Variants in ADPRHL1 observed in about 807,000 individuals in gnomAD.
The protein encoded by ADPRHL1 is ADP-ribosylhydrolase like 1, also known as inactive ADP-ribosyltransferase ARH2.
In ADPRHL1, 43 loss-of-function variants were observed where a neutral mutation model predicts 44.1. That is an observed-to-expected ratio of 0.98 (90% confidence interval 0.76 to 1.26). ADPRHL1 has a LOEUF of 1.26. Among genes scored for constraint, ADPRHL1 ranks in the 50% most tolerant of loss-of-function variants. The pLI, the probability that ADPRHL1 is intolerant of heterozygous loss-of-function variation, is 0.00. For synonymous variants in ADPRHL1, 878 were observed against 1,017.4 expected (o/e 0.86, Z 2.61); for missense variants, 2,022 against 2,496.9 (o/e 0.81, Z 4.05).
chr13:113,426,413 A>C (rs936953544), intron 4 of ADPRHL1, among the ~76,000 whole-genome samples: 1 of 152,224 alleles, frequency 6.6e-6, no homozygotes, highest in Non-Finnish European at 1.5e-5. Context: ...TGCCGATCAC[A>C]TGAGGTGACA....
intron 1 of ADPRHL1, among the ~76,000 whole-genome samples, chr13:113,447,315 C>T (rs1271270181): frequency 7.5e-5 from 9 of 120,726 alleles, no homozygotes; most frequent in East Asian, 5.5e-4. Flanking sequence ...GGCGTCTACA[C>T]GCACGGTGTT....
rs112961194 is a variant in ADPRHL1 at position 113,435,382 on chromosome 13, C to T, written c.380-1515G>A. Among the ~76,000 whole-genome samples the T allele has an allele frequency of 6.9e-3, 956 of 138,748 alleles. 57 individuals are homozygous for T. The highest frequency in any genetic ancestry group is 0.025 in the African/African-American group (878 of 34,656). The allele number at this position is 138,748 out of a possible 152,430, so 91.0% of individuals were successfully genotyped here. On this transcript the variant is annotated intron_variant, in intron 2 of 7. Transcript: ENST00000612156. Reference sequence around the variant, plus strand: ...CAGGCGTAGAGTGAACATAGGTGTACCCCAGGACCTGGCACCCAGGTGTAG... The same window carrying T: ...CAGGCGTAGAGTGAACATAGGTGTATCCCAGGACCTGGCACCCAGGTGTAG...
chr13:113,448,806 C>T (rs2044159701), intron 1 of ADPRHL1, among the ~76,000 whole-genome samples: 1 of 152,266 alleles, frequency 6.6e-6, no homozygotes, highest in South Asian at 2.1e-4. Flanking sequence ...TAAGTGCTTC[C>T]TCACACTTTG....
At chr13:113,418,034 C>T (rs576586703) in intron 7 of ADPRHL1, among the ~76,000 whole-genome samples, 23 of 152,310 alleles carry the variant, frequency 1.5e-4, no homozygotes, top group African/African-American at 4.6e-4. Context: ...GTTATGCAAT[C>T]GCCAGGGTTT....
At chr13:113,436,306 C>T (rs144991592) in intron 2 of ADPRHL1, among the ~76,000 whole-genome samples, 186 of 146,340 alleles carry the variant, frequency 1.3e-3, no homozygotes, top group African/African-American at 4.4e-3. Context: ...CGTAGGTGTA[C>T]CCTGTGACCC....
chr13:113,430,737 A>C (rs2044000971), intron 3 of ADPRHL1, among the ~76,000 whole-genome samples: 1 of 148,118 alleles, frequency 6.8e-6, no homozygotes, highest in Non-Finnish European at 1.5e-5. Context: ...TGGCAGTGGC[A>C]CCAGTGGCGG....
At chr13:113,411,691 A>C (rs1158367659) in intron 7 of ADPRHL1, among the ~76,000 whole-genome samples, 1 of 152,190 alleles carries the variant, frequency 6.6e-6, no homozygotes, top group Non-Finnish European at 1.5e-5. Flanking sequence ...CAGAGCTACA[A>C]AGTCCTCTTT....
chr13:113,403,931 G>C lies in ADPRHL1; in HGVS notation c.5351C>G (p.Thr1784Ser). 1 of 1,292,780 alleles carries C rather than the reference G, an allele frequency of 7.7e-7. No individual in the cohort carries two copies. Among genetic ancestry groups the C allele is most frequent in the Non-Finnish European group, 9.7e-7 (1 of 1,028,998 alleles). The allele number at this position is 1,292,780 out of a possible 1,614,324, so 80.1% of individuals were successfully genotyped here. A position where few individuals can be genotyped will look rare whatever the true frequency, so the allele number is the denominator to read the frequency against. The change falls in exon 8 of 8, where the codon ACC (threonine) becomes AGC (serine). Residue 1784 changes from threonine (T) to serine (S), a missense_variant. Physicochemically the swap from Thr to Ser is moderately conservative, Grantham distance 58. This residue lies in a region of ADPRHL1 where 205 missense variants were observed against 250.1 expected (regional missense o/e 0.82). Coordinates refer to ENST00000612156, the MANE Select transcript of ADPRHL1 (RefSeq NM_001394807.1). ...DRARDQGWEQTQIETQRQTQK... is the reference protein window; with the variant it reads ...DRARDQGWEQSQIETQRQTQK... ...GGTCTGCCTCTGAGTCTCTATCTGG[G>C]TCTGCTCCCAGCCCTGATCCCGAGC...
In ADPRHL1 at chr13:113,404,847, G is replaced by A. The variant is rs1595535192; in HGVS notation, c.4435C>T (p.Pro1479Ser). Residue 1479 changes from proline to serine, a missense_variant, in exon 8 of 8, where the codon CCG becomes TCG. Transcript: ENST00000612156. Reference sequence around the variant, plus strand: ...TGTCCTTGGGCTGCCGGGCTTCCCGGCCCCTCGGGCTCCCCTGGAGGCACA... The same window carrying A: ...TGTCCTTGGGCTGCCGGGCTTCCCGACCCCTCGGGCTCCCCTGGAGGCACA... ...PAVPPGEPEG[P>S]GSPAAQGQAQ... 2 of 1,247,970 alleles carry A rather than the reference G, an allele frequency of 1.6e-6. No homozygotes were observed. Among genetic ancestry groups the A allele is most frequent in the East Asian group, 6.3e-5 (2 of 31,774 alleles). The allele number at this position is 1,247,970 out of a possible 1,614,324, so 77.3% of individuals were successfully genotyped here.
In ADPRHL1 at chr13:113,401,089, A is replaced by T. The variant is rs2043758092; in HGVS notation, c.*2289T>A. ...TGCCTCCAATTCCAAATAGGTAAAGAGTGAGGGCCGTGCCGCTGTGCCTGG... is the reference window on the plus strand; with the variant it reads ...TGCCTCCAATTCCAAATAGGTAAAGTGTGAGGGCCGTGCCGCTGTGCCTGG... On this transcript the variant is annotated 3_prime_UTR_variant, in exon 8 of 8. Transcript: ENST00000612156. The surrounding 1 kb of genome is among the most constrained non-coding windows in gnomAD (Gnocchi z 5.5). The T allele has an allele frequency of 6.6e-6, 1 of 152,192 alleles. No homozygotes were observed. The highest frequency in any genetic ancestry group is 2.1e-4 in the South Asian group (1 of 4,822). 9.4% of individuals were successfully genotyped at this position (152,192 alleles called of 1,614,324 possible).
At chr13:113,443,624 T>G (rs557837837) in intron 2 of ADPRHL1, among the ~76,000 whole-genome samples, 1 of 148,342 alleles carries the variant, frequency 6.7e-6, no homozygotes, top group Non-Finnish European at 1.5e-5. Context: ...GTCTACAAAA[T>G]AAATAAATAA....
intron 3 of ADPRHL1, among the ~76,000 whole-genome samples, chr13:113,429,991 C>A (rs1450453229): frequency 6.6e-6 from 1 of 152,184 alleles, no homozygotes; most frequent in Non-Finnish European, 1.5e-5. Context: ...GGAGGCCTGT[C>A]CTGGTCCATC....
chr13:113,422,498 A>G, intron 7 of ADPRHL1: 1 of 235,142 alleles, frequency 4.3e-6, no homozygotes. Context: ...GTGAGTGAGT[A>G]AACAGCATTA....
chr13:113,422,638 GACAA>G (rs2043933559), intron 7 of ADPRHL1, 184 bp downstream of exon 7: 8 of 753,494 alleles, frequency 1.1e-5, no homozygotes, highest in Non-Finnish European at 1.7e-5. Flanking sequence ...ATTCTCGCAG[GACAA>G]ACAATGTATT....
chr13:113,453,169 G>T lies in ADPRHL1; in HGVS notation c.214+55C>A. On this transcript the variant is annotated intron_variant, in intron 1 of 7. Transcript: ENST00000612156. The surrounding 1 kb of genome is among the most constrained non-coding windows in gnomAD (Gnocchi z 5.4). ...TCTCGGAGGCTTACTGGGAGAACTCGAGCAGCCAGTGTTCCCTCCAGCCCG... is the reference window on the plus strand; with the variant it reads ...TCTCGGAGGCTTACTGGGAGAACTCTAGCAGCCAGTGTTCCCTCCAGCCCG... The T allele has an allele frequency of 6.3e-7, 1 of 1,591,582 alleles. No individual in the cohort carries two copies. The highest frequency in any genetic ancestry group is 1.1e-5 in the South Asian group (1 of 90,348).
Position 113,453,361 on chromosome 13 carries a change from T to C in ADPRHL1, c.77A>G (p.Asn26Ser). ...CTGGATCTTCATGCCTACAGTGCTGTTCTCCTTGCAGACATTTCTGTAGCC... is the reference window on the plus strand; with the variant it reads ...CTGGATCTTCATGCCTACAGTGCTGCTCTCCTTGCAGACATTTCTGTAGCC... Reference protein sequence around the residue: ...ALGYRNVCKENSTVGMKIQEE... With the variant: ...ALGYRNVCKESSTVGMKIQEE... The change falls in exon 1 of 8, where the codon AAC becomes AGC. Residue 26 changes from asparagine (N) to serine (S), a missense_variant. Transcript: ENST00000612156. This position sits in a 1 kb window ranked among gnomAD's most constrained non-coding sequence, Gnocchi z 5.4. 1 of 1,614,182 alleles carries C rather than the reference T, an allele frequency of 6.2e-7. No homozygotes were observed. Among genetic ancestry groups the C allele is most frequent in the Non-Finnish European group, 8.5e-7 (1 of 1,180,018 alleles).
intron 1 of ADPRHL1, among the ~76,000 whole-genome samples, chr13:113,448,465 CAAAA>C (rs61278696): frequency 2.5e-5 from 1 of 39,842 alleles, no homozygotes; most frequent in African/African-American, 1.1e-4. Flanking sequence ...GACTATGTCC[CAAAA>C]AAAAAAAAAA....
chr13:113,410,928 C>T (rs191260409), intron 7 of ADPRHL1, among the ~76,000 whole-genome samples: 1 of 152,230 alleles, frequency 6.6e-6, no homozygotes, highest in Non-Finnish European at 1.5e-5. Context: ...GCTGCGCTCC[C>T]TTCACCCCAG....
chr13:113,431,668 T>C (rs1253443425), intron 3 of ADPRHL1, among the ~76,000 whole-genome samples: 6 of 152,210 alleles, frequency 3.9e-5, no homozygotes, highest in African/African-American at 1.4e-4. Context: ...CTTAAAACAT[T>C]TTTGGTCATT....
Sources: gnomAD v4.1 joint callset for allele counts (sites outside exome capture counted in the v4.1 genomes callset) on GRCh38, gnomAD v4.1.1 for gene constraint, gnomAD v4.1.1 regional missense constraint, Gnocchi (gnomAD v3.1) non-coding constraint, MANE v1.5 for transcripts, NCBI Gene and HGNC (gene_info 2026-07-23, HGNC 2026-07-21) for gene names.